The following TBC1D23 variants were observed in gnomAD, a reference collection of about 807,000 sequenced individuals.
TBC1D23 encodes the protein TBC1 domain family member 23.
Under a neutral mutation model 91.4 loss-of-function variants are expected in TBC1D23, and 55 were observed. The observed-to-expected ratio is 0.60, with a 90% CI of 0.48 to 0.75. TBC1D23 has a LOEUF of 0.75. Ranked by LOEUF, TBC1D23 falls within the 30% of genes least tolerant of loss-of-function variation. The pLI is 0.00. For synonymous variants in TBC1D23, 289 were observed against 281.0 expected (o/e 1.03, Z -0.28); for missense variants, 725 against 836.1 (o/e 0.87, Z 1.64).
chr3:100,310,324 A>G (rs1408716765), intron 13 of TBC1D23, 79 bp from the exon 14 acceptor site: 7 of 1,290,334 alleles, frequency 5.4e-6, no homozygotes, highest in East Asian at 4.7e-5. Flanking sequence ...AATTCAGTCT[A>G]TAACATGTAG....
At chr3:100,266,886 T>C (rs2067562440) in intron 1 of TBC1D23, among the ~76,000 whole-genome samples, 1 of 152,198 alleles carries the variant, frequency 6.6e-6, no homozygotes, top group Non-Finnish European at 1.5e-5. Context: ...TGGATTCTTT[T>C]TGGTATAAAG....
chr3:100,275,834 G>A (rs1250027027), intron 1 of TBC1D23, among the ~76,000 whole-genome samples: 1 of 152,184 alleles, frequency 6.6e-6, no homozygotes, highest in Non-Finnish European at 1.5e-5. Flanking sequence ...ATTTGGCAAT[G>A]AAAAGCATAT....
At chr3:100,278,576 G>A (rs2067669050) in intron 1 of TBC1D23, among the ~76,000 whole-genome samples, 1 of 151,980 alleles carries the variant, frequency 6.6e-6, no homozygotes. Context: ...AGTAGAGACG[G>A]GGTTTCACCA....
intron 4 of TBC1D23, among the ~76,000 whole-genome samples, chr3:100,284,235 G>A (rs1040232511): frequency 1.3e-5 from 2 of 151,922 alleles, no homozygotes; most frequent in African/African-American, 4.8e-5. Flanking sequence ...GATGATAGGT[G>A]CATTATTTTG....
intron 13 of TBC1D23, among the ~76,000 whole-genome samples, chr3:100,307,368 T>G (rs1396028109): frequency 1.3e-5 from 2 of 152,212 alleles, no homozygotes; most frequent in Non-Finnish European, 2.9e-5. Flanking sequence ...GGGTTCAGAT[T>G]TCATCTACAA....
chr3:100,288,598 A>G (rs1175611743), intron 4 of TBC1D23, among the ~76,000 whole-genome samples: 1 of 152,232 alleles, frequency 6.6e-6, no homozygotes, highest in Non-Finnish European at 1.5e-5. Flanking sequence ...TAAAATGCTT[A>G]TTACATTGTC....
Position 100,286,960 on chromosome 3 carries a change from G to A in TBC1D23, c.476+3149G>A, listed in dbSNP as rs576204273. Among the ~76,000 whole-genome samples the A allele has an allele frequency of 6.6e-5, 10 of 150,492 alleles. No individual in the cohort carries two copies. In the East Asian group the frequency reaches 1.6e-3, roughly 24 times the overall value. ...CCCCCGAGTAGCTGGAATCACAGGC[G>A]TGTGCCACCACACCCGGCGAATTTT... On this transcript the variant is annotated intron_variant, in intron 4 of 18. Coordinates refer to ENST00000394144, the MANE Select transcript of TBC1D23 (RefSeq NM_001199198.3).
At chr3:100,286,333 A>G (rs1013220837) in intron 4 of TBC1D23, among the ~76,000 whole-genome samples, 2 of 152,112 alleles carry the variant, frequency 1.3e-5, no homozygotes, top group African/African-American at 4.8e-5. Flanking sequence ...ACAGTGGGGA[A>G]AGACTTTTGC....
At chr3:100,266,274 A>T (rs891014528) in intron 1 of TBC1D23, among the ~76,000 whole-genome samples, 1 of 146,530 alleles carries the variant, frequency 6.8e-6, no homozygotes, top group Non-Finnish European at 1.5e-5. Flanking sequence ...TTTAAAGGTA[A>T]TTTTTTTTTT....
intron 1 of TBC1D23, among the ~76,000 whole-genome samples, chr3:100,263,641 G>A (rs537036180): frequency 6.6e-6 from 1 of 152,346 alleles, no homozygotes; most frequent in South Asian, 2.1e-4. Flanking sequence ...CTAATTAAAT[G>A]CACCTTTTAA....
rs576684698 is a variant in TBC1D23 at position 100,276,669 on chromosome 3, T to A, written c.54-2980T>A. Among the ~76,000 whole-genome samples the A allele has an allele frequency of 9.4e-4, 143 of 152,352 alleles. 1 individual carries two copies. Among genetic ancestry groups the A allele is most frequent in the African/African-American group, 3.2e-3 (132 of 41,584 alleles). On this transcript the variant is annotated intron_variant, in intron 1 of 18. Coordinates refer to ENST00000394144, the MANE Select transcript of TBC1D23 (RefSeq NM_001199198.3). ...GCTGTAATTCTGAAGCAACTTGGGC[T>A]ACAATGCTTAGATTAGGTGATTTTA...
chr3:100,290,510 G>C (rs1348940740), intron 4 of TBC1D23, 68 bp from the exon 5 acceptor site: 4 of 1,434,706 alleles, frequency 2.8e-6, no homozygotes, highest in African/African-American at 1.4e-5. Context: ...ATAGCAGGAA[G>C]ATTGGTTACT....
intron 5 of TBC1D23, 102 bp from the exon 6 acceptor site, chr3:100,294,985 A>G: frequency 8.7e-7 from 1 of 1,152,362 alleles, no homozygotes; most frequent in Non-Finnish European, 1.2e-6. Flanking sequence ...TATCAGGTGC[A>G]GATAATTTGA....
intron 1 of TBC1D23, among the ~76,000 whole-genome samples, chr3:100,268,665 T>A (rs1044867728): frequency 6.6e-6 from 1 of 152,226 alleles, no homozygotes; most frequent in African/African-American, 2.4e-5. Context: ...TTCTCTATCT[T>A]AGGCAAAAGT....
Position 100,302,210 on chromosome 3 carries a change from G to A in TBC1D23, c.1236G>A (p.Met412Ile). ...GSGREEEDMY[M>I]NMVLAHFLQK... ...GCAGGGAGGAAGAAGACATGTATAT[G>A]AACATGGTCCTGGCACACTTTTTAC... Residue 412 changes from methionine to isoleucine, a missense_variant, in exon 11 of 19, where the codon ATG becomes ATA. Coordinates refer to ENST00000394144, the MANE Select transcript of TBC1D23 (RefSeq NM_001199198.3). The A allele has an allele frequency of 1.2e-6, 2 of 1,613,686 alleles. No individual in the cohort carries two copies. The highest frequency in any genetic ancestry group is 2.7e-5 in the African/African-American group (2 of 75,020).
At chr3:100,304,793 G>C in intron 11 of TBC1D23, 53 bp from the exon 12 acceptor site, 1 of 894,962 alleles carries the variant, frequency 1.1e-6, no homozygotes, top group East Asian at 2.4e-5. Context: ...ACTAGCTAAA[G>C]TTTTAATTAA....
chr3:100,306,959 A>T (rs1705527388), intron 13 of TBC1D23, among the ~76,000 whole-genome samples: 1 of 152,186 alleles, frequency 6.6e-6, no homozygotes, highest in Non-Finnish European at 1.5e-5. Context: ...AGGGCTCATA[A>T]TCATCTCGTG....
Position 100,310,497 on chromosome 3 carries a change from A to T in TBC1D23, c.1508A>T (p.Glu503Val). ...ALKTKSVNVR[E>V]KVISFIENTS... ...AAGACAAAATCCGTTAATGTCAGGG[A>T]AAAAGTTATCAGTTTTATAGAGAAT... The change falls in exon 14 of 19, where the codon GAA becomes GTA. Residue 503 changes from glutamate to valine, a missense_variant. Coordinates refer to ENST00000394144, the MANE Select transcript of TBC1D23 (RefSeq NM_001199198.3). 1 of 1,613,488 alleles carries T rather than the reference A, an allele frequency of 6.2e-7. No individual in the cohort carries two copies. The highest frequency in any genetic ancestry group is 8.5e-7 in the Non-Finnish European group (1 of 1,179,566).
intron 16 of TBC1D23, among the ~76,000 whole-genome samples, chr3:100,318,751 A>G (rs953156976): frequency 1.1e-4 from 17 of 151,828 alleles, no homozygotes; most frequent in Admixed American, 6.6e-4. Flanking sequence ...CCTGGGTTCA[A>G]GCGATTCTCA....
Sources: gnomAD v4.1 joint callset for allele counts (sites outside exome capture counted in the v4.1 genomes callset) on GRCh38, gnomAD v4.1.1 for gene constraint, MANE v1.5 for transcripts, NCBI Gene and HGNC (gene_info 2026-07-23, HGNC 2026-07-21) for gene names.